The following CPQ variants were observed in gnomAD, a reference collection of about 807,000 sequenced individuals.
CPQ encodes Ser-Met dipeptidase.
A neutral mutation model predicts 45.7 loss-of-function variants in CPQ; 37 were observed. The ratio of observed to expected loss-of-function variants is 0.81; its 90% CI spans 0.62 to 1.07. The LOEUF is 1.07. Ranked by LOEUF, CPQ falls within the 50% of genes least tolerant of loss-of-function variation. The pLI is 0.00. For synonymous variants in CPQ, 186 were observed against 205.8 expected (o/e 0.90, Z 0.82); for missense variants, 537 against 572.9 (o/e 0.94, Z 0.64).
At chr8:97,119,208 A>G in intron 7 of CPQ, among the ~76,000 whole-genome samples, 1 of 152,024 alleles carries the variant, frequency 6.6e-6, no homozygotes, top group Admixed American at 6.6e-5. Flanking sequence ...GGGTGCCTGC[A>G]ATCCAAGCTA....
chr8:97,074,999 C>T (rs1810818691), intron 7 of CPQ, among the ~76,000 whole-genome samples: 1 of 152,076 alleles, frequency 6.6e-6, no homozygotes, highest in Non-Finnish European at 1.5e-5. Flanking sequence ...TACCGGAACG[C>T]TTTACAAGGA....
Position 96,835,087 on chromosome 8 carries a change from C to T in CPQ, c.548C>T (p.Thr183Met), listed in dbSNP as rs577356141. 15 of 1,608,606 alleles carry T rather than the reference C, an allele frequency of 9.3e-6. No individual in the cohort carries two copies. Among genetic ancestry groups the T allele is most frequent in the Non-Finnish European group, 1.3e-5 (15 of 1,177,398 alleles). The part of the protein sequence containing the change: ...YNQPYINYSR[T>M]VQYRTQGAVE... The stretch of plus-strand genomic sequence containing the variant: ...CAACCTTACATCAACTACTCAAGGA[C>T]GGTGCAATACCGAACGCAGGGGGCG... Residue 183 changes from threonine (T) to methionine (M), a missense_variant, in exon 3 of 8, where the codon ACG becomes ATG. Transcript: ENST00000220763.
chr8:97,015,424 A>G (rs989389624), intron 5 of CPQ, among the ~76,000 whole-genome samples: 22 of 152,172 alleles, frequency 1.4e-4, no homozygotes, highest in Admixed American at 2.6e-4. Flanking sequence ...AATTAAAAAA[A>G]AAAACAAATT....
intron 5 of CPQ, among the ~76,000 whole-genome samples, chr8:97,026,914 T>G (rs1809808108): frequency 2.0e-5 from 3 of 152,250 alleles, no homozygotes; most frequent in Non-Finnish European, 4.4e-5. Context: ...TTTTAAAAAA[T>G]GAATATTCTG....
intron 5 of CPQ, among the ~76,000 whole-genome samples, chr8:96,985,388 T>G (rs1813998048): frequency 6.6e-6 from 1 of 152,184 alleles, no homozygotes; most frequent in Admixed American, 6.6e-5. Flanking sequence ...GTCTCCCATG[T>G]CTCTCAATCT....
chr8:97,130,995 A>T (rs1811945955), intron 7 of CPQ, among the ~76,000 whole-genome samples: 1 of 152,214 alleles, frequency 6.6e-6, no homozygotes, highest in Non-Finnish European at 1.5e-5. Context: ...AAGAAAGAAA[A>T]GCCTACTTGC....
At chr8:96,977,412 A>G (rs576150936) in intron 5 of CPQ, among the ~76,000 whole-genome samples, 10 of 152,288 alleles carry the variant, frequency 6.6e-5, no homozygotes, top group African/African-American at 2.4e-4. Context: ...TGGTACAAGC[A>G]CTGCGGAAAA....
At chr8:96,944,561 T>G (rs915631394) in intron 4 of CPQ, among the ~76,000 whole-genome samples, 1 of 152,104 alleles carries the variant, frequency 6.6e-6, no homozygotes. Context: ...GGTGTGGAGT[T>G]TTTCATATGT....
intron 5 of CPQ, among the ~76,000 whole-genome samples, chr8:96,989,449 AG>A (rs1273774142): frequency 1.8e-5 from 1 of 55,546 alleles, no homozygotes; most frequent in Non-Finnish European, 3.4e-5. Context: ...AGGGGAGGGG[AG>A]GGGACAGGAG....
intron 2 of CPQ, among the ~76,000 whole-genome samples, chr8:96,827,733 A>T (rs545662513): frequency 6.6e-6 from 1 of 152,098 alleles, no homozygotes; most frequent in Non-Finnish European, 1.5e-5. Context: ...CACAGGATAA[A>T]AAAAAGTTAA....
chr8:97,136,443 T>C (rs1414266288), intron 7 of CPQ, among the ~76,000 whole-genome samples: 7 of 152,218 alleles, frequency 4.6e-5, no homozygotes, highest in Non-Finnish European at 8.8e-5. Flanking sequence ...TACCTATTAA[T>C]CCTCACAAGC....
intron 5 of CPQ, among the ~76,000 whole-genome samples, chr8:96,982,549 C>T (rs919840644): frequency 1.3e-5 from 2 of 152,124 alleles, no homozygotes; most frequent in African/African-American, 4.8e-5. Context: ...CACTGTGTTG[C>T]CCAGGCTGGC....
At chr8:96,760,053 C>T (rs958241588) in intron 1 of CPQ, among the ~76,000 whole-genome samples, 1 of 152,158 alleles carries the variant, frequency 6.6e-6, no homozygotes, top group South Asian at 2.1e-4. Flanking sequence ...AGGCCTCAGC[C>T]CTAGCCACGT....
intron 1 of CPQ, among the ~76,000 whole-genome samples, chr8:96,708,004 G>A (rs1314015060): frequency 6.6e-6 from 1 of 152,010 alleles, no homozygotes; most frequent in Non-Finnish European, 1.5e-5. Flanking sequence ...GTGCCCTCAG[G>A]GCTGCTTTAT....
chr8:96,785,931 C>T (rs537786993), intron 2 of CPQ, among the ~76,000 whole-genome samples: 20 of 152,220 alleles, frequency 1.3e-4, no homozygotes, highest in African/African-American at 4.3e-4. Flanking sequence ...GGCTAATTTC[C>T]GGTGGCAGAA....
chr8:96,689,560 C>A (rs1244141338), intron 1 of CPQ, among the ~76,000 whole-genome samples: 3 of 152,114 alleles, frequency 2.0e-5, no homozygotes, highest in Non-Finnish European at 2.9e-5. Flanking sequence ...AGAAGGGAAC[C>A]AAATTCTGTG....
chr8:97,019,587 G>C (rs1244084132), intron 5 of CPQ, among the ~76,000 whole-genome samples: 1 of 152,038 alleles, frequency 6.6e-6, no homozygotes, highest in Non-Finnish European at 1.5e-5. Flanking sequence ...TCTTTTATCA[G>C]ACAAAACAAA....
At chr8:96,696,129 A>G (rs1407107107) in intron 1 of CPQ, among the ~76,000 whole-genome samples, 2 of 152,080 alleles carry the variant, frequency 1.3e-5, no homozygotes, top group African/African-American at 4.8e-5. Flanking sequence ...TGATGAGTTT[A>G]TGTCCTTTGT....
At chr8:96,968,530 C>T (rs1813608857) in intron 5 of CPQ, among the ~76,000 whole-genome samples, 1 of 152,170 alleles carries the variant, frequency 6.6e-6, no homozygotes, top group Non-Finnish European at 1.5e-5. Context: ...AATTATATTA[C>T]TTAATTACAT....
Sources: gnomAD v4.1 joint callset for allele counts (sites outside exome capture counted in the v4.1 genomes callset) on GRCh38, gnomAD v4.1.1 for gene constraint, MANE v1.5 for transcripts, NCBI Gene and HGNC (gene_info 2026-07-23, HGNC 2026-07-21) for gene names.